The following MAML3 variants were observed in gnomAD, a reference collection of about 807,000 sequenced individuals.
MAML3 encodes mastermind-like protein 3.
In MAML3, 27 loss-of-function variants were observed where a neutral mutation model predicts 101.9. The ratio of observed to expected loss-of-function variants is 0.27; its 90% CI spans 0.20 to 0.37. The LOEUF (loss-of-function observed/expected upper bound fraction) is 0.37, where lower values mean the gene tolerates loss of function less well. MAML3 is among the 10% of genes least tolerant of loss of function. MAML3 has a pLI of 1.00. For synonymous variants in MAML3, 501 were observed against 555.9 expected (o/e 0.90, Z 1.39); for missense variants, 1,316 against 1,444.9 (o/e 0.91, Z 1.45).
chr4:139,731,663 G>A (rs566190177), intron 2 of MAML3, among the ~76,000 whole-genome samples: 21 of 152,128 alleles, frequency 1.4e-4, no homozygotes, highest in African/African-American at 5.1e-4. Flanking sequence ...TTTAAACATG[G>A]GGTGTTGGAT....
At chr4:140,032,244 G>C (rs900384528) in intron 1 of MAML3, among the ~76,000 whole-genome samples, 15 of 152,286 alleles carry the variant, frequency 9.8e-5, no homozygotes, top group Admixed American at 8.5e-4. Flanking sequence ...TCAAAGACAA[G>C]GCAAGGGAAG....
At chr4:139,726,178 A>T (rs532607295) in intron 3 of MAML3, among the ~76,000 whole-genome samples, 1 of 152,336 alleles carries the variant, frequency 6.6e-6, no homozygotes, top group African/African-American at 2.4e-5. Flanking sequence ...CTTTGCAGAA[A>T]AGGATTCACA....
chr4:139,925,253 G>A (rs1173060389), intron 1 of MAML3, among the ~76,000 whole-genome samples: 1 of 151,968 alleles, frequency 6.6e-6, no homozygotes, highest in Non-Finnish European at 1.5e-5. Flanking sequence ...GTTTTGAGAT[G>A]GAGTCTCACT....
chr4:139,878,244 C>T (rs950768421), intron 2 of MAML3, among the ~76,000 whole-genome samples: 3 of 152,146 alleles, frequency 2.0e-5, no homozygotes, highest in Non-Finnish European at 4.4e-5. Context: ...TGGTCTATCT[C>T]GAAGCTCAGT....
chr4:139,734,956 C>A (rs575911415), intron 2 of MAML3, among the ~76,000 whole-genome samples: 36 of 152,360 alleles, frequency 2.4e-4, no homozygotes, highest in Non-Finnish European at 4.6e-4. Flanking sequence ...GAGCAGCTGC[C>A]GTTCTTCCCG....
At chr4:139,733,505 T>A (rs1728806629) in intron 2 of MAML3, among the ~76,000 whole-genome samples, 1 of 150,762 alleles carries the variant, frequency 6.6e-6, no homozygotes, top group African/African-American at 2.4e-5. Context: ...ATCAAACCAC[T>A]TTTTGCCCGT....
At chr4:139,905,171 T>C (rs1416904040) in intron 1 of MAML3, among the ~76,000 whole-genome samples, 1 of 152,180 alleles carries the variant, frequency 6.6e-6, no homozygotes, top group Non-Finnish European at 1.5e-5. Flanking sequence ...TCACTTCTAG[T>C]GCTAACTTCT....
intron 2 of MAML3, among the ~76,000 whole-genome samples, chr4:139,773,330 G>A (rs7664657): frequency 0.066 from 10,061 of 152,156 alleles, 748 homozygotes; most frequent in African/African-American, 0.18. Context: ...GTCACTCTTC[G>A]GAGTGGTGTT....
At chr4:139,953,476 A>G (rs1733864889) in intron 1 of MAML3, among the ~76,000 whole-genome samples, 1 of 152,190 alleles carries the variant, frequency 6.6e-6, no homozygotes, top group South Asian at 2.1e-4. Flanking sequence ...AAATACAAAA[A>G]TTAGCACGGC....
intron 1 of MAML3, among the ~76,000 whole-genome samples, chr4:140,141,889 C>G (rs1443498378): frequency 6.6e-6 from 1 of 152,146 alleles, no homozygotes; most frequent in Non-Finnish European, 1.5e-5. Context: ...GATTTTCCCG[C>G]CAACTTTTTT....
intron 1 of MAML3, among the ~76,000 whole-genome samples, chr4:139,926,159 T>C (rs2111239973): frequency 6.6e-6 from 1 of 152,242 alleles, no homozygotes; most frequent in South Asian, 2.1e-4. Context: ...AGGATTTTGC[T>C]CACGCTGTCA....
chr4:140,013,552 T>A (rs1215472417), intron 1 of MAML3, among the ~76,000 whole-genome samples: 1 of 152,216 alleles, frequency 6.6e-6, no homozygotes, highest in Non-Finnish European at 1.5e-5. Flanking sequence ...CATGCCAAAC[T>A]TTTTTCTAAG....
rs551732540 is a variant in MAML3, at chr4:140,041,558, T to A, written c.468+111302A>T. ...CCAGGTTGAAGCTGGGAGGCAGAGG[T>A]TGCAGTGAGCCGAGATCACGCCACT... On this transcript the variant is annotated intron_variant, in intron 1 of 4. Coordinates refer to ENST00000509479, the MANE Select transcript of MAML3 (RefSeq NM_018717.5). Among the ~76,000 whole-genome samples the A allele has an allele frequency of 2.0e-3, 310 of 152,062 alleles. 2 individuals are homozygous for A. Among genetic ancestry groups the A allele is most frequent in the African/African-American group, 7.2e-3 (300 of 41,462 alleles).
chr4:140,107,101 C>T (rs1728364580), intron 1 of MAML3, among the ~76,000 whole-genome samples: 1 of 152,146 alleles, frequency 6.6e-6, no homozygotes, highest in Non-Finnish European at 1.5e-5. Context: ...TAACTCCTGA[C>T]CTCAGGTGAT....
intron 2 of MAML3, among the ~76,000 whole-genome samples, chr4:139,752,037 A>G (rs762511400): frequency 2.2e-4 from 34 of 152,322 alleles, no homozygotes; most frequent in South Asian, 6.2e-4. Flanking sequence ...ACTCTGGAAT[A>G]GCCTTATCTT....
At chr4:139,930,330 T>C (rs1049498752) in intron 1 of MAML3, among the ~76,000 whole-genome samples, 2 of 152,118 alleles carry the variant, frequency 1.3e-5, no homozygotes, top group Non-Finnish European at 2.9e-5. Flanking sequence ...AGGCAGAGTT[T>C]GTGAGCAGAG....
rs752134297 is a variant in MAML3, at chr4:139,889,811, A to C, written c.1625T>G (p.Met542Arg). 6.2e-7 allele frequency: 1 copy of C among 1,613,868 alleles called. No homozygotes were observed. Among genetic ancestry groups the C allele is most frequent in the Non-Finnish European group, 8.5e-7 (1 of 1,179,894 alleles). The change falls in exon 2 of 5, where the codon ATG becomes AGG. Residue 542 changes from methionine to arginine, a missense_variant. Transcript: ENST00000509479. ...TTGGTTGTTAAAGGCTTGGGGGTAC[A>C]TCATTGGGCTATTTGGTTTTTCTGC... ...FTAEKPNSPM[M>R]YPQAFNNQNP...
At chr4:139,757,164 C>T (rs980034678) in intron 2 of MAML3, among the ~76,000 whole-genome samples, 1 of 152,082 alleles carries the variant, frequency 6.6e-6, no homozygotes, top group African/African-American at 2.4e-5. Flanking sequence ...AGAATCAGGG[C>T]GTTTTACCTC....
intron 1 of MAML3, among the ~76,000 whole-genome samples, chr4:140,018,484 A>G (rs1194167517): frequency 6.6e-6 from 1 of 152,212 alleles, no homozygotes; most frequent in Non-Finnish European, 1.5e-5. Flanking sequence ...AAAGCAAAGG[A>G]CAGGTATTTG....
Sources: allele counts gnomAD v4.1 joint callset (sites outside exome capture counted in the v4.1 genomes callset), GRCh38; gene constraint gnomAD v4.1.1; transcripts MANE v1.5; gene names NCBI Gene and HGNC (gene_info 2026-07-23, HGNC 2026-07-21).